ZNF841: variants seen among roughly 807,000 people sequenced by gnomAD.
ZNF841 encodes TCONS_00006091.
In ZNF841, 11 loss-of-function variants were observed where a neutral mutation model predicts 13.0. The ratio of observed to expected loss-of-function variants is 0.85; its 90% CI spans 0.53 to 1.40. ZNF841 has a LOEUF of 1.40. Among genes scored for constraint, ZNF841 ranks in the 40% most tolerant of loss-of-function variants. The pLI, the probability that ZNF841 is intolerant of heterozygous loss-of-function variation, is 0.00. For missense variants in ZNF841, 1,068 were observed against 1,139.5 expected (o/e 0.94, Z 0.90); for synonymous variants, 369 against 381.6 (o/e 0.97, Z 0.38).
intron 3 of ZNF841, among the ~76,000 whole-genome samples, chr19:52,087,726 T>C (rs1426283184): frequency 6.6e-6 from 1 of 151,846 alleles, no homozygotes; most frequent in African/African-American, 2.4e-5. Context: ...TGGCTCACAC[T>C]TGTAATCCCA....
At chr19:52,084,101 G>A (rs554716597) in intron 4 of ZNF841, among the ~76,000 whole-genome samples, 6 of 152,002 alleles carry the variant, frequency 3.9e-5, no homozygotes, top group East Asian at 3.9e-4. Flanking sequence ...AATTATAACC[G>A]TTTTACAAAA....
intron 2 of ZNF841, among the ~76,000 whole-genome samples, 175 bp from the exon 3 acceptor site, chr19:52,089,177 G>A (rs1260028207): frequency 6.6e-6 from 1 of 152,140 alleles, no homozygotes; most frequent in African/African-American, 2.4e-5. Context: ...TTGAGAAAAA[G>A]GGAAGTTATT....
At chr19:52,073,190 A>G (rs922015750) in intron 6 of ZNF841, among the ~76,000 whole-genome samples, 2 of 152,236 alleles carry the variant, frequency 1.3e-5, no homozygotes, top group African/African-American at 2.4e-5. Context: ...GTCATATACA[A>G]AAATTAATTC....
intron 6 of ZNF841, among the ~76,000 whole-genome samples, chr19:52,071,247 A>C (rs1352874970): frequency 6.6e-6 from 1 of 152,236 alleles, no homozygotes; most frequent in Non-Finnish European, 1.5e-5. Flanking sequence ...TGAATGTCCC[A>C]TAAGTTCTAT....
chr19:52,074,808 G>A (rs1311829391), intron 6 of ZNF841, among the ~76,000 whole-genome samples: 5 of 152,138 alleles, frequency 3.3e-5, no homozygotes, highest in African/African-American at 4.8e-5. Context: ...TTGAGCCACC[G>A]TGCCCGGCAT....
At chr19:52,067,673 T>C in intron 6 of ZNF841, 63 bp from the exon 7 acceptor site, 1 of 1,182,256 alleles carries the variant, frequency 8.5e-7, no homozygotes, top group Non-Finnish European at 1.1e-6. Flanking sequence ...TATTTTATAC[T>C]GAAAACACAC....
chr19:52,094,920 T>G (rs533221941), intron 1 of ZNF841, among the ~76,000 whole-genome samples: 6 of 152,170 alleles, frequency 3.9e-5, no homozygotes, highest in Non-Finnish European at 8.8e-5. Context: ...TCTCTTTCAC[T>G]CTTGCTCTCT....
chr19:52,061,424 T>C (rs1223631230), downstream of ZNF841, among the ~76,000 whole-genome samples: 2 of 152,136 alleles, frequency 1.3e-5, no homozygotes, highest in South Asian at 4.1e-4. Context: ...AGAAATCCCA[T>C]ATGCACAGGA....
downstream of ZNF841, among the ~76,000 whole-genome samples, chr19:52,060,974 G>A (rs552191626): frequency 1.7e-4 from 26 of 152,318 alleles, no homozygotes; most frequent in Admixed American, 3.3e-4. Context: ...AGTTGAGAGC[G>A]TTAAAGGGTT....
intron 3 of ZNF841, among the ~76,000 whole-genome samples, chr19:52,085,801 A>G (rs995949739): frequency 6.6e-5 from 10 of 152,226 alleles, no homozygotes; most frequent in Middle Eastern, 3.2e-3. Flanking sequence ...GGAGCAGATT[A>G]GGTAGAGATG....
chr19:52,058,844 T>C, the ZNF841 span: 1 of 151,724 alleles, frequency 6.6e-6, no homozygotes, highest in African/African-American at 2.4e-5. Context: ...ATTATTTATT[T>C]ATTTATTATT....
downstream of ZNF841, among the ~76,000 whole-genome samples, chr19:52,059,467 T>A (rs545120252): frequency 3.0e-4 from 45 of 150,328 alleles, no homozygotes; most frequent in African/African-American, 1.1e-3. Flanking sequence ...GTCCCTTACA[T>A]TTTAAGTTCA....
intron 2 of ZNF841, among the ~76,000 whole-genome samples, 180 bp from the exon 3 acceptor site, chr19:52,089,182 G>A (rs7255079): frequency 0.21 from 32,118 of 152,092 alleles, 4,732 homozygotes; most frequent in African/African-American, 0.41. Flanking sequence ...AAAAAGGGAA[G>A]TTATTTTATG....
In ZNF841 at chr19:52,076,032, C is replaced by G. The variant is rs1324986512; in HGVS notation, c.271+12G>C. On this transcript the variant is annotated intron_variant, in intron 6 of 6. Transcript: ENST00000594440. ...ATGGTACCGCTTCCATTGTGCCCATCTGAGCTCTTACCGGTGATCACGCCT... is the reference window on the plus strand; with the variant it reads ...ATGGTACCGCTTCCATTGTGCCCATGTGAGCTCTTACCGGTGATCACGCCT... 6.4e-7 allele frequency: 1 copy of G among 1,551,970 alleles called. No individual in the cohort carries two copies. Among genetic ancestry groups the G allele is most frequent in the South Asian group, 1.2e-5 (1 of 84,082 alleles).
Position 52,065,990 on chromosome 19 carries a change from C to A in ZNF841, c.1892G>T (p.Gly631Val), listed in dbSNP as rs2087543764. The change falls in exon 7 of 7, where the codon GGC (glycine) becomes GTC (valine). Residue 631 changes from glycine to valine, a missense_variant. Transcript: ENST00000594440. Reference protein sequence around the residue: ...GEKPFQCNECGKVFSYYSCLA... With the variant: ...GEKPFQCNECVKVFSYYSCLA... ...GCATGAGTAGTAACTGAAGACCTTG[C>A]CGCATTCGTTACACTGGAAAGGTTT... The A allele has an allele frequency of 1.9e-6, 3 of 1,614,168 alleles. No individual in the cohort carries two copies. The highest frequency in any genetic ancestry group is 2.5e-6 in the Non-Finnish European group (3 of 1,179,996).
rs145427262 is a variant in ZNF841 at position 52,073,225 on chromosome 19, G to A, written c.271+2819C>T. On this transcript the variant is annotated intron_variant, in intron 6 of 6. Transcript: ENST00000594440. ...CAAGATGAATAACGACTTACATTAA[G>A]TCTTCAAGCTACAAAAATTCTAGAA... 7.0e-3 allele frequency among the ~76,000 whole-genome samples: 1,061 copies of A among 151,864 alleles called. 10 individuals carry two copies. The highest frequency in any genetic ancestry group is 0.024 in the African/African-American group (992 of 41,436).
In ZNF841 at chr19:52,066,021, C is replaced by A; in HGVS notation, c.1861G>T (p.Gly621Ter). 6.2e-7 allele frequency: 1 copy of A among 1,613,918 alleles called. No homozygotes were observed. The highest frequency in any genetic ancestry group is 2.2e-5 in the East Asian group (1 of 44,894). Residue 621 changes from glycine (G) to a stop codon, truncating the protein, a stop_gained, in exon 7 of 7, where the codon GGA becomes TGA. Coordinates refer to ENST00000594440, the MANE Select transcript of ZNF841 (RefSeq NM_001136499.2). LOFTEE classifies it low-confidence loss of function (END_TRUNC). ...NLSIHRRSHT[G>*]EKPFQCNECG... ...TCGTTACACTGGAAAGGTTTCTCTC[C>A]GGTATGACTTCGCCTATGAATTGAA...
At chr19:52,063,672 C>A (rs184298847), downstream of ZNF841, 1 of 152,282 alleles carries the variant, frequency 6.6e-6, no homozygotes, top group East Asian at 1.9e-4. Context: ...AAAGGCTTAC[C>A]ACATTCGTTA....
intron 5 of ZNF841, chr19:52,076,436 G>A: frequency 2.8e-6 from 1 of 358,432 alleles, no homozygotes; most frequent in Admixed American, 3.8e-5. Flanking sequence ...GCCAAGACGG[G>A]AAGATGACTT....
Sources: allele counts gnomAD v4.1 joint callset (sites outside exome capture counted in the v4.1 genomes callset), GRCh38; gene constraint gnomAD v4.1.1; transcripts MANE v1.5; gene names NCBI Gene and HGNC (gene_info 2026-07-23, HGNC 2026-07-21).